Variants in PRR5 observed in about 807,000 individuals in gnomAD.
PRR5 encodes the protein proline-rich protein 5.
In PRR5, 25 loss-of-function variants were observed where a neutral mutation model predicts 30.6. The observed-to-expected ratio is 0.82, with a 90% CI of 0.60 to 1.14. The LOEUF is 1.14. Ranked by LOEUF, PRR5 falls within the 50% of genes most tolerant of loss-of-function variation. The probability of loss-of-function intolerance (pLI) is 0.00; values close to 1 mark genes in which losing one functional copy is unlikely to be tolerated. For missense variants in PRR5, 600 were observed against 547.1 expected (o/e 1.10, Z -0.96); for synonymous variants, 286 against 247.1 (o/e 1.16, Z -1.48).
chr22:44,732,952 C>T lies in PRR5; in HGVS notation c.555+561C>T, dbSNP rs112944841. On this transcript the variant is annotated intron_variant, in intron 6 of 7. Coordinates refer to ENST00000336985, the MANE Select transcript of PRR5 (RefSeq NM_181333.4). ...CGCACATACTACACACGTGTGCACACATACGCGTGCACACGCATACACACT... is the reference window on the plus strand; with the variant it reads ...CGCACATACTACACACGTGTGCACATATACGCGTGCACACGCATACACACT... Among the ~76,000 whole-genome samples the T allele has an allele frequency of 1.2e-3, 170 of 137,308 alleles. 1 individual carries two copies. Among genetic ancestry groups the T allele is most frequent in the South Asian group, 2.4e-4 (1 of 4,172 alleles). The allele number at this position is 137,308 out of a possible 152,430, so 90.1% of individuals were successfully genotyped here.
chr22:44,689,273 C>T (rs1342454251), intron 1 of PRR5, among the ~76,000 whole-genome samples: 1 of 152,146 alleles, frequency 6.6e-6, no homozygotes, highest in Non-Finnish European at 1.5e-5. Flanking sequence ...TGCTAACTCA[C>T]GGGTCGTCTT....
At chr22:44,729,811 G>A in intron 4 of PRR5, 21 of 985,478 alleles carry the variant, frequency 2.1e-5, no homozygotes, top group Non-Finnish European at 2.0e-5. Flanking sequence ...CCGTGGGCTG[G>A]AGAACAGCCT....
chr22:44,686,543 G>C (rs35775811), intron 1 of PRR5, among the ~76,000 whole-genome samples: 30,577 of 151,708 alleles, frequency 0.2, 3,274 homozygotes, highest in South Asian at 0.31. Context: ...ATGGAGTCTC[G>C]CTCTGTCGCC....
intron 1 of PRR5, among the ~76,000 whole-genome samples, chr22:44,670,682 T>C (rs1923373965): frequency 6.6e-6 from 1 of 152,024 alleles, no homozygotes; most frequent in East Asian, 1.9e-4. Flanking sequence ...TGCAGAAACA[T>C]TTGTGAGCTA....
intron 2 of PRR5, among the ~76,000 whole-genome samples, chr22:44,724,102 C>T (rs553195236): frequency 4.6e-5 from 7 of 152,286 alleles, no homozygotes; most frequent in African/African-American, 1.2e-4. Flanking sequence ...GTATCAGAAC[C>T]ATGCAAAGAG....
At chr22:44,719,060 G>A (rs919064860) in intron 2 of PRR5, among the ~76,000 whole-genome samples, 2 of 151,520 alleles carry the variant, frequency 1.3e-5, no homozygotes, top group Non-Finnish European at 2.9e-5. Flanking sequence ...TTCCTCCTAA[G>A]GTACAGAAAT....
At chr22:44,730,067 G>A (rs1921659672) in intron 4 of PRR5, 28 of 985,326 alleles carry the variant, frequency 2.8e-5, no homozygotes, top group Non-Finnish European at 3.3e-5. Flanking sequence ...AGCCAAAGAT[G>A]GGACCCAGTC....
intron 1 of PRR5, among the ~76,000 whole-genome samples, chr22:44,705,807 T>G (rs1008491118): frequency 6.6e-6 from 1 of 152,074 alleles, no homozygotes; most frequent in Non-Finnish European, 1.5e-5. Flanking sequence ...GTTTTTGTTT[T>G]TGAGGTGGAG....
chr22:44,727,202 A>ACG, intron 4 of PRR5, among the ~76,000 whole-genome samples: 1 of 152,178 alleles, frequency 6.6e-6, no homozygotes, highest in Admixed American at 6.5e-5. Context: ...ACTTTAGGGC[A>ACG]CACACCCTTT....
At chr22:44,688,882 G>T (rs1183078713) in intron 1 of PRR5, among the ~76,000 whole-genome samples, 1 of 152,082 alleles carries the variant, frequency 6.6e-6, no homozygotes, top group Non-Finnish European at 1.5e-5. Context: ...CAGCTACTCG[G>T]GAGGCTGAAG....
chr22:44,733,848 G>T (rs1169078132), intron 6 of PRR5, among the ~76,000 whole-genome samples: 2 of 152,174 alleles, frequency 1.3e-5, no homozygotes, highest in Admixed American at 1.3e-4. Flanking sequence ...CAAGAGTTCA[G>T]GCGACTTTGC....
chr22:44,699,969 T>C (rs1418482391), upstream of PRR5, among the ~76,000 whole-genome samples: 1 of 152,046 alleles, frequency 6.6e-6, no homozygotes, highest in Non-Finnish European at 1.5e-5. Flanking sequence ...AGGAAATCCT[T>C]GTCTGGCCAT....
intron 3 of PRR5, 61 bp downstream of exon 3, chr22:44,725,353 G>T: frequency 6.2e-7 from 1 of 1,604,444 alleles, no homozygotes. Context: ...GAAAGCACAG[G>T]GGCTCACCTG....
At chr22:44,736,027 C>T (rs530174154) in intron 7 of PRR5, among the ~76,000 whole-genome samples, 1 of 152,322 alleles carries the variant, frequency 6.6e-6, no homozygotes, top group Admixed American at 6.5e-5. Flanking sequence ...CGCCCGCCAC[C>T]TGGTGGCCAC....
At chr22:44,684,292 C>T (rs779163856) in intron 1 of PRR5, among the ~76,000 whole-genome samples, 19 of 152,146 alleles carry the variant, frequency 1.2e-4, no homozygotes, top group Non-Finnish European at 2.6e-4. Flanking sequence ...CCTGTAATCC[C>T]GGCACTTTGG....
chr22:44,695,494 A>G (rs570336385), intron 1 of PRR5, among the ~76,000 whole-genome samples: 12 of 152,140 alleles, frequency 7.9e-5, no homozygotes, highest in African/African-American at 2.9e-4. Flanking sequence ...GGTTTTTTAG[A>G]GCCTTTTGTG....
At position 44,729,983 on chromosome 22, in the gene PRR5, C is replaced by T. The variant is rs983669247; in HGVS notation, c.323-1747C>T. 5.2e-5 allele frequency: 51 copies of T among 985,438 alleles called. No homozygotes were observed. The African/African-American group carries it at 7.7e-4, about 15-fold the overall frequency. The allele number at this position is 985,438 out of a possible 1,614,324, so 61.0% of individuals were successfully genotyped here. ...TGAGCATCCATCCGTCCGGGGCATTCCTGCTGGCCCCCATCACCCTCAGAG... is the reference window on the plus strand; with the variant it reads ...TGAGCATCCATCCGTCCGGGGCATTTCTGCTGGCCCCCATCACCCTCAGAG... On this transcript the variant is annotated intron_variant, in intron 4 of 7. Coordinates refer to ENST00000336985, the MANE Select transcript of PRR5 (RefSeq NM_181333.4).
chr22:44,731,085 C>T (rs1921870286), intron 4 of PRR5: 4 of 294,658 alleles, frequency 1.4e-5, no homozygotes, highest in South Asian at 1.3e-4. Context: ...AAATCAACTG[C>T]TTAGCCGGGT....
chr22:44,672,972 G>A (rs1923513613), upstream of PRR5, among the ~76,000 whole-genome samples: 7 of 152,242 alleles, frequency 4.6e-5, no homozygotes, highest in South Asian at 1.2e-3. Flanking sequence ...ACAGAGCCTT[G>A]CCATCAGGAA....
Sources: gnomAD v4.1 joint callset for allele counts (sites outside exome capture counted in the v4.1 genomes callset) on GRCh38, gnomAD v4.1.1 for gene constraint, MANE v1.5 for transcripts, NCBI Gene and HGNC (gene_info 2026-07-23, HGNC 2026-07-21) for gene names.